The following SLC35F1 variants were observed in gnomAD, a reference collection of about 807,000 sequenced individuals.
SLC35F1 encodes solute carrier family 35 member F1, also known as chromosome 6 open reading frame 169.
Under a neutral mutation model 48.7 loss-of-function variants are expected in SLC35F1, and 14 were observed. The ratio of observed to expected loss-of-function variants is 0.29; its 90% CI spans 0.19 to 0.45. SLC35F1 has a LOEUF of 0.45. SLC35F1 is among the 20% of genes least tolerant of loss of function. SLC35F1 has a pLI of 1.00. For missense variants in SLC35F1, 404 were observed against 500.0 expected (o/e 0.81, Z 1.83); for synonymous variants, 190 against 202.2 (o/e 0.94, Z 0.51).
chr6:118,278,488 G>A (rs1311668035), intron 6 of SLC35F1, among the ~76,000 whole-genome samples: 1 of 152,136 alleles, frequency 6.6e-6, no homozygotes, highest in Non-Finnish European at 1.5e-5. Flanking sequence ...AAGCATATGA[G>A]GCCAACTTAC....
At chr6:118,083,301 A>G (rs1241939808) in intron 1 of SLC35F1, among the ~76,000 whole-genome samples, 1 of 152,208 alleles carries the variant, frequency 6.6e-6, no homozygotes, top group Non-Finnish European at 1.5e-5. Context: ...TAAAAAAGGC[A>G]TTTTATAAAC....
At chr6:118,053,775 G>C (rs1582640658) in intron 1 of SLC35F1, among the ~76,000 whole-genome samples, 2 of 152,160 alleles carry the variant, frequency 1.3e-5, no homozygotes, top group Middle Eastern at 6.8e-3. Context: ...TGTTTATTAT[G>C]TAATAAACAT....
At chr6:117,959,547 CAT>C (rs1562248512) in intron 1 of SLC35F1, among the ~76,000 whole-genome samples, 2 of 152,146 alleles carry the variant, frequency 1.3e-5, no homozygotes, top group Non-Finnish European at 2.9e-5. Flanking sequence ...CAGAAATAGA[CAT>C]GTCTTGCCAT....
chr6:118,182,568 A>AGG (rs1582716703), intron 2 of SLC35F1, among the ~76,000 whole-genome samples: 3 of 82,702 alleles, frequency 3.6e-5, no homozygotes, highest in South Asian at 5.4e-4. Context: ...AGGAAGAAAA[A>AGG]AAGAAAGGCA....
intron 3 of SLC35F1, among the ~76,000 whole-genome samples, chr6:118,245,833 A>C (rs1775500459): frequency 6.6e-6 from 1 of 152,082 alleles, no homozygotes; most frequent in Non-Finnish European, 1.5e-5. Context: ...GCCTCCCAAA[A>C]AACCTGGTGC....
At chr6:118,170,023 C>T (rs531120826) in intron 2 of SLC35F1, among the ~76,000 whole-genome samples, 29 of 152,286 alleles carry the variant, frequency 1.9e-4, no homozygotes, top group African/African-American at 5.8e-4. Context: ...TCTTCTAAAA[C>T]GCAGGCTAAG....
chr6:118,236,428 A>T (rs964767780), intron 3 of SLC35F1, among the ~76,000 whole-genome samples: 8 of 152,242 alleles, frequency 5.3e-5, no homozygotes, highest in East Asian at 3.8e-4. Context: ...ACAAAACAAA[A>T]CATTGTTCTC....
At chr6:117,910,613 T>C (rs1416223468) in intron 1 of SLC35F1, among the ~76,000 whole-genome samples, 1 of 152,182 alleles carries the variant, frequency 6.6e-6, no homozygotes, top group Non-Finnish European at 1.5e-5. Context: ...CATGCAGATA[T>C]ATGGTTAGCA....
intron 2 of SLC35F1, among the ~76,000 whole-genome samples, chr6:118,185,154 C>T (rs1026521389): frequency 1.3e-5 from 2 of 152,160 alleles, no homozygotes; most frequent in African/African-American, 2.4e-5. Context: ...CTCTGAGACC[C>T]GTGTTTCCCC....
rs1177534627 is a variant in SLC35F1 at position 117,999,278 on chromosome 6, C to T, written c.173+91379C>T. 5 of 1,596,010 alleles carry T rather than the reference C, an allele frequency of 3.1e-6. No individual in the cohort carries two copies. The African/African-American group carries it at 5.3e-5, about 17-fold the overall frequency. On this transcript the variant is annotated intron_variant, in intron 1 of 7. Transcript: ENST00000360388. ...CGATCGACATGCCTACGTTGCCCAC[C>T]CCAAGCTTGGGAAGCGTGCTCTTGC...
intron 1 of SLC35F1, among the ~76,000 whole-genome samples, chr6:118,071,694 C>G (rs1772730480): frequency 6.6e-6 from 1 of 152,148 alleles, no homozygotes; most frequent in East Asian, 1.9e-4. Context: ...GATTTTGGCT[C>G]TACACTGTAT....
chr6:117,914,156 A>G (rs997386166), intron 1 of SLC35F1, among the ~76,000 whole-genome samples: 1 of 151,936 alleles, frequency 6.6e-6, no homozygotes, highest in Admixed American at 6.6e-5. Context: ...CCACATATAT[A>G]CACACACGTG....
At chr6:118,055,030 C>CTAA (rs1772444455) in intron 1 of SLC35F1, among the ~76,000 whole-genome samples, 1 of 152,186 alleles carries the variant, frequency 6.6e-6, no homozygotes, top group Admixed American at 6.5e-5. Context: ...CTGCCTCGGC[C>CTAA]TCCCATAGTG....
chr6:118,003,655 C>G (rs1390179002), intron 1 of SLC35F1, among the ~76,000 whole-genome samples: 1 of 152,152 alleles, frequency 6.6e-6, no homozygotes, highest in African/African-American at 2.4e-5. Context: ...GTTCCTGTTA[C>G]AAACATGAGG....
intron 1 of SLC35F1, among the ~76,000 whole-genome samples, chr6:118,068,294 C>T (rs1417741147): frequency 6.6e-6 from 1 of 152,160 alleles, no homozygotes; most frequent in African/African-American, 2.4e-5. Context: ...TTCAGTCAAG[C>T]TGGCACCTAA....
chr6:118,169,724 C>G (rs1468154922), intron 2 of SLC35F1, among the ~76,000 whole-genome samples: 1 of 151,932 alleles, frequency 6.6e-6, no homozygotes, highest in Non-Finnish European at 1.5e-5. Flanking sequence ...ACCATGTAAA[C>G]CTTTCATCAT....
chr6:118,240,233 G>T (rs1310752872), intron 3 of SLC35F1, among the ~76,000 whole-genome samples: 1 of 152,202 alleles, frequency 6.6e-6, no homozygotes, highest in African/African-American at 2.4e-5. Flanking sequence ...TGGCAAGAGA[G>T]CAGACACCTA....
At chr6:118,160,742 A>G (rs1184637999) in intron 2 of SLC35F1, among the ~76,000 whole-genome samples, 1 of 152,150 alleles carries the variant, frequency 6.6e-6, no homozygotes, top group Non-Finnish European at 1.5e-5. Context: ...CAGAATATTC[A>G]AGTGGGGCAG....
At chr6:118,265,856 C>G (rs1775766967) in intron 3 of SLC35F1, among the ~76,000 whole-genome samples, 2 of 152,194 alleles carry the variant, frequency 1.3e-5, no homozygotes, top group Non-Finnish European at 2.9e-5. Flanking sequence ...ATAAGTTCCT[C>G]ATGTGGTACA....
Sources: gnomAD v4.1 joint callset for allele counts (sites outside exome capture counted in the v4.1 genomes callset) on GRCh38, gnomAD v4.1.1 for gene constraint, MANE v1.5 for transcripts, NCBI Gene and HGNC (gene_info 2026-07-23, HGNC 2026-07-21) for gene names.